The following HDAC9 variants were observed in gnomAD, a reference collection of about 807,000 sequenced individuals.
HDAC9 encodes histone deacetylase 9, also known as MEF-2 interacting transcription repressor (MITR) protein.
HDAC9 carries 41 observed loss-of-function variants against 139.4 expected under a neutral mutation model. That is an observed-to-expected ratio of 0.29 (90% CI 0.23 to 0.38). HDAC9 has a LOEUF of 0.38. HDAC9 is among the 10% of genes least tolerant of loss of function. HDAC9 has a pLI of 1.00. For missense variants in HDAC9, 1,147 were observed against 1,297.0 expected (o/e 0.88, Z 1.78); for synonymous variants, 517 against 476.2 (o/e 1.09, Z -1.12).
intron 1 of HDAC9, among the ~76,000 whole-genome samples, chr7:18,155,897 C>T (rs769490339): frequency 4.6e-5 from 7 of 152,154 alleles, no homozygotes; most frequent in Non-Finnish European, 8.8e-5. Context: ...GTGTCTGTTA[C>T]GGTATTGGGG....
chr7:18,652,272 G>A (rs1489487254), intron 11 of HDAC9, among the ~76,000 whole-genome samples: 1 of 151,756 alleles, frequency 6.6e-6, no homozygotes, highest in Non-Finnish European at 1.5e-5. Flanking sequence ...TCTGATTGGA[G>A]GAAAAAAGAG....
intron 2 of HDAC9, among the ~76,000 whole-genome samples, chr7:18,219,769 G>C (rs532183336): frequency 6.6e-6 from 1 of 152,196 alleles, no homozygotes; most frequent in South Asian, 2.1e-4. Flanking sequence ...ACTTTATTTT[G>C]GTTTTTGATA....
At chr7:18,464,946 A>G (rs976461770) in intron 1 of HDAC9, among the ~76,000 whole-genome samples, 1 of 151,692 alleles carries the variant, frequency 6.6e-6, no homozygotes, top group African/African-American at 2.4e-5. Context: ...TTTTAGGCTT[A>G]CTCCTCTGAA....
At chr7:18,485,749 C>T (rs1034708195) in intron 1 of HDAC9, among the ~76,000 whole-genome samples, 3 of 151,958 alleles carry the variant, frequency 2.0e-5, no homozygotes, top group Admixed American at 2.0e-4. Context: ...ATGTTAATAT[C>T]CCCATTTATA....
chr7:18,335,417 C>G (rs1781512983), intron 1 of HDAC9, among the ~76,000 whole-genome samples: 1 of 151,402 alleles, frequency 6.6e-6, no homozygotes, highest in South Asian at 2.1e-4. Flanking sequence ...TTTGATTGCT[C>G]ATTGCCATGT....
At chr7:18,921,553 G>A (rs879781910) in intron 22 of HDAC9, among the ~76,000 whole-genome samples, 89 of 152,224 alleles carry the variant, frequency 5.8e-4, no homozygotes, top group Middle Eastern at 6.8e-3. Flanking sequence ...AGTTAGAATG[G>A]CAATCATTAA....
chr7:18,790,913 C>T (rs986554784), intron 16 of HDAC9, among the ~76,000 whole-genome samples: 7 of 152,106 alleles, frequency 4.6e-5, no homozygotes, highest in Admixed American at 4.6e-4. Flanking sequence ...AAAAGTAACC[C>T]CCACCCGGCA....
intron 2 of HDAC9, among the ~76,000 whole-genome samples, chr7:18,548,927 T>C (rs1023577437): frequency 6.6e-6 from 1 of 152,188 alleles, no homozygotes; most frequent in Admixed American, 6.5e-5. Context: ...TGGAAAATAG[T>C]TTGGCTGATT....
chr7:18,785,376 C>G (rs1024353398), intron 16 of HDAC9, among the ~76,000 whole-genome samples: 2 of 151,874 alleles, frequency 1.3e-5, no homozygotes, highest in Non-Finnish European at 2.9e-5. Context: ...ATTCCTGGCT[C>G]TATGCACTAG....
chr7:18,879,728 A>T (rs369838427), intron 22 of HDAC9, among the ~76,000 whole-genome samples: 2 of 152,188 alleles, frequency 1.3e-5, no homozygotes, highest in African/African-American at 4.8e-5. Flanking sequence ...ATCCTAGGCA[A>T]TACCGTCCTG....
chr7:18,304,361 C>T (rs1045906233), intron 1 of HDAC9, among the ~76,000 whole-genome samples: 2 of 152,196 alleles, frequency 1.3e-5, no homozygotes, highest in Non-Finnish European at 2.9e-5. Context: ...AAAGCTCAGA[C>T]TACCAGACTT....
chr7:18,458,653 A>G (rs1304061352), intron 1 of HDAC9, among the ~76,000 whole-genome samples: 1 of 152,198 alleles, frequency 6.6e-6, no homozygotes, highest in Non-Finnish European at 1.5e-5. Context: ...AAGGTCACAA[A>G]ATAATATCTT....
chr7:18,201,808 C>T (rs1387116501), intron 2 of HDAC9, among the ~76,000 whole-genome samples: 1 of 152,140 alleles, frequency 6.6e-6, no homozygotes, highest in Non-Finnish European at 1.5e-5. Context: ...GAGTTATTTT[C>T]CCATTATTCT....
chr7:18,953,405 A>G (rs1859664), intron 23 of HDAC9, among the ~76,000 whole-genome samples: 123,477 of 152,066 alleles, frequency 0.81, 50,400 homozygotes, highest in African/African-American at 0.9. Flanking sequence ...ACTTAGGCCT[A>G]ACAGATAGGC....
intron 2 of HDAC9, among the ~76,000 whole-genome samples, chr7:18,215,056 G>A (rs1387625723): frequency 1.3e-5 from 2 of 152,046 alleles, no homozygotes; most frequent in Non-Finnish European, 2.9e-5. Flanking sequence ...AAGAGTTGGT[G>A]TTATTTGTTG....
At chr7:18,269,271 C>G (rs1796197963) in intron 2 of HDAC9, among the ~76,000 whole-genome samples, 1 of 152,070 alleles carries the variant, frequency 6.6e-6, no homozygotes, top group Non-Finnish European at 1.5e-5. Context: ...AGTTCCTCAA[C>G]CAGGAATTCT....
intron 1 of HDAC9, among the ~76,000 whole-genome samples, chr7:18,108,854 T>G (rs1450074266): frequency 6.6e-6 from 1 of 152,118 alleles, no homozygotes; most frequent in Admixed American, 6.6e-5. Flanking sequence ...ACTCCTGACC[T>G]CATGATCCTC....
intron 11 of HDAC9, among the ~76,000 whole-genome samples, chr7:18,651,797 A>ACAGTTT (rs1304386759): frequency 7.9e-5 from 12 of 152,060 alleles, no homozygotes; most frequent in Admixed American, 2.6e-4. Flanking sequence ...TTCTAAGATT[A>ACAGTTT]TTTGCCTCTT....
chr7:18,092,485 C>G (rs1007473130), intron 1 of HDAC9, among the ~76,000 whole-genome samples: 3 of 151,724 alleles, frequency 2.0e-5, no homozygotes, highest in Admixed American at 2.0e-4. Flanking sequence ...GGCTCCAAAT[C>G]CCTCTGCAGA....
Sources: gnomAD v4.1 joint callset for allele counts (sites outside exome capture counted in the v4.1 genomes callset) on GRCh38, gnomAD v4.1.1 for gene constraint, MANE v1.5 for transcripts, NCBI Gene and HGNC (gene_info 2026-07-23, HGNC 2026-07-21) for gene names.